DNAJC6: variants seen among roughly 807,000 people sequenced by gnomAD.
DNAJC6 encodes DnaJ heat shock protein family (Hsp40) member C6.
DNAJC6 carries 34 observed loss-of-function variants against 110.0 expected under a neutral mutation model. That is an observed-to-expected ratio of 0.31 (90% confidence interval 0.24 to 0.41). The LOEUF (loss-of-function observed/expected upper bound fraction) is 0.41, where lower values mean the gene tolerates loss of function less well. DNAJC6 is among the 10% of genes least tolerant of loss of function. DNAJC6 has a pLI of 1.00. For synonymous variants in DNAJC6, 406 were observed against 437.2 expected (o/e 0.93, Z 0.89); for missense variants, 1,031 against 1,207.8 (o/e 0.85, Z 2.17).
At chr1:65,284,307 ATC>A (rs1386978296) in intron 1 of DNAJC6, among the ~76,000 whole-genome samples, 2 of 152,024 alleles carry the variant, frequency 1.3e-5, no homozygotes, top group Non-Finnish European at 2.9e-5. Flanking sequence ...TCCTTTCTCC[ATC>A]TCTGCCTTTC....
intron 1 of DNAJC6, among the ~76,000 whole-genome samples, chr1:65,300,043 C>CAAAAAAAAAAAAA (rs59681451): frequency 1.8e-5 from 2 of 112,052 alleles, no homozygotes; most frequent in Non-Finnish European, 1.9e-5. Context: ...AACTCCATCT[C>CAAAAAAAAAAAAA]AAAAAAAAAA....
intron 9 of DNAJC6, among the ~76,000 whole-genome samples, chr1:65,388,892 C>T (rs1327566493): frequency 3.3e-5 from 5 of 152,168 alleles, no homozygotes; most frequent in Non-Finnish European, 7.4e-5. Flanking sequence ...TGGCTAGAGC[C>T]GGGATGGAGT....
At chr1:65,374,543 T>C (rs1645741270) in intron 4 of DNAJC6, among the ~76,000 whole-genome samples, 1 of 152,286 alleles carries the variant, frequency 6.6e-6, no homozygotes, top group East Asian at 1.9e-4. Context: ...TTGTAGCTAT[T>C]GGAAATGGCA....
Position 65,392,476 on chromosome 1 carries a change from T to C in DNAJC6, c.1514T>C (p.Leu505Pro). Residue 505 changes from leucine to proline, a missense_variant, in exon 12 of 19, where the codon CTA becomes CCA. Transcript: ENST00000371069. ...KSFCEEDHAALVNQESEQSDD... is the reference protein window; with the variant it reads ...KSFCEEDHAAPVNQESEQSDD... ...TTCTGTGAGGAGGACCACGCTGCCCTAGTGAATCAGGAAAGTGAGCAATCA... is the reference window on the plus strand; with the variant it reads ...TTCTGTGAGGAGGACCACGCTGCCCCAGTGAATCAGGAAAGTGAGCAATCA... 2.5e-6 allele frequency: 4 copies of C among 1,613,236 alleles called. No individual in the cohort carries two copies. Among genetic ancestry groups the C allele is most frequent in the Middle Eastern group, 1.7e-4 (1 of 6,006 alleles).
At chr1:65,293,291 T>A (rs1644898035) in intron 1 of DNAJC6, among the ~76,000 whole-genome samples, 1 of 152,158 alleles carries the variant, frequency 6.6e-6, no homozygotes, top group Admixed American at 6.5e-5. Flanking sequence ...TGGGGGTAGA[T>A]GGGGTGTGTG....
At position 65,400,502 on chromosome 1, in the gene DNAJC6, C is replaced by T. The variant is rs180975218; in HGVS notation, c.2108-1259C>T. Among the ~76,000 whole-genome samples the T allele has an allele frequency of 2.0e-5, 3 of 152,310 alleles. No individual in the cohort carries two copies. In the East Asian group the frequency reaches 5.8e-4, roughly 29 times the overall value. Reference sequence around the variant, plus strand: ...CCTGCCCTACCTCCAACCACCCCAGCACCTGGTAACCACCATTCTACTCTT... The same window carrying T: ...CCTGCCCTACCTCCAACCACCCCAGTACCTGGTAACCACCATTCTACTCTT... On this transcript the variant is annotated intron_variant, in intron 14 of 18. Transcript: ENST00000371069.
chr1:65,356,675 G>C (rs968072581), intron 1 of DNAJC6, among the ~76,000 whole-genome samples: 1 of 151,800 alleles, frequency 6.6e-6, no homozygotes, highest in Non-Finnish European at 1.5e-5. Context: ...AATGTCATGC[G>C]TGTTATTATT....
chr1:65,289,310 C>T (rs1431655709), intron 1 of DNAJC6, among the ~76,000 whole-genome samples: 1 of 152,194 alleles, frequency 6.6e-6, no homozygotes, highest in Non-Finnish European at 1.5e-5. Flanking sequence ...ATTCTCCTGC[C>T]TCAGCCTCCT....
At chr1:65,359,700 C>T (rs1645580084) in intron 1 of DNAJC6, among the ~76,000 whole-genome samples, 1 of 152,132 alleles carries the variant, frequency 6.6e-6, no homozygotes, top group Admixed American at 6.5e-5. Flanking sequence ...TGGTGTTAAC[C>T]ATCTGATGCA....
At chr1:65,280,879 G>A (rs1477583217) in intron 1 of DNAJC6, among the ~76,000 whole-genome samples, 1 of 152,032 alleles carries the variant, frequency 6.6e-6, no homozygotes, top group Non-Finnish European at 1.5e-5. Context: ...TTCATATTAG[G>A]TAGATTTCCT....
At chr1:65,342,000 C>T (rs1273055065) in intron 1 of DNAJC6, among the ~76,000 whole-genome samples, 2 of 152,142 alleles carry the variant, frequency 1.3e-5, no homozygotes, top group Non-Finnish European at 2.9e-5. Context: ...GTTTTCCACT[C>T]CTGGGTATCT....
intron 1 of DNAJC6, among the ~76,000 whole-genome samples, chr1:65,327,249 C>T (rs1262987038): frequency 6.6e-6 from 1 of 151,826 alleles, no homozygotes; most frequent in Non-Finnish European, 1.5e-5. Flanking sequence ...TATGCCAGTA[C>T]TTCATTCATT....
chr1:65,370,288 T>C (rs868463003), intron 4 of DNAJC6, among the ~76,000 whole-genome samples: 11 of 152,360 alleles, frequency 7.2e-5, no homozygotes, highest in Middle Eastern at 3.4e-3. Flanking sequence ...TGTAACCATT[T>C]GTAGCATAAA....
At chr1:65,388,237 T>C in intron 8 of DNAJC6, 99 bp from the exon 9 acceptor site, 1 of 1,008,270 alleles carries the variant, frequency 9.9e-7, no homozygotes, top group Middle Eastern at 2.0e-4. Flanking sequence ...ATTCAGATAT[T>C]GAAACAGTTG....
chr1:65,270,145 A>G (rs1420767687), intron 1 of DNAJC6, among the ~76,000 whole-genome samples: 1 of 152,218 alleles, frequency 6.6e-6, no homozygotes, highest in Admixed American at 6.5e-5. Context: ...CACCTGAATC[A>G]TAAAATCTAT....
At chr1:65,278,922 G>C (rs942773376) in intron 1 of DNAJC6, 1 of 966,378 alleles carries the variant, frequency 1.0e-6, no homozygotes, top group African/African-American at 1.8e-5. Context: ...CAGAATCCCA[G>C]ATGTATCCTG....
At chr1:65,399,997 A>T (rs1646015625) in intron 14 of DNAJC6, among the ~76,000 whole-genome samples, 1 of 152,088 alleles carries the variant, frequency 6.6e-6, no homozygotes, top group Non-Finnish European at 1.5e-5. Flanking sequence ...TCCGGGCAAC[A>T]TGGCAAAACC....
chr1:65,305,640 A>G (rs754821305), upstream of DNAJC6, among the ~76,000 whole-genome samples: 1 of 152,212 alleles, frequency 6.6e-6, no homozygotes, highest in Non-Finnish European at 1.5e-5. Context: ...GGACACAAAC[A>G]TGAACAAAAC....
chr1:65,393,949 G>A lies in DNAJC6; in HGVS notation c.1904-949G>A, dbSNP rs1051331099. Among the ~76,000 whole-genome samples, 16 of 152,164 alleles carry A rather than the reference G, an allele frequency of 1.1e-4. No homozygotes were observed. In the South Asian group the frequency reaches 3.3e-3, roughly 32 times the overall value. On this transcript the variant is annotated intron_variant, in intron 12 of 18. Coordinates refer to ENST00000371069, the MANE Select transcript of DNAJC6 (RefSeq NM_001256864.2). ...TTGGTGTTGAGGCTCAAGCTCCAAT[G>A]TTAGCTATTGGTGGACCCAGGATGT...
Sources: allele counts gnomAD v4.1 joint callset (sites outside exome capture counted in the v4.1 genomes callset), GRCh38; gene constraint gnomAD v4.1.1; transcripts MANE v1.5; gene names NCBI Gene and HGNC (gene_info 2026-07-23, HGNC 2026-07-21).